The following EYS variants were observed in gnomAD, a reference collection of about 807,000 sequenced individuals.
EYS encodes protein eyes shut homolog.
Under a neutral mutation model 282.1 loss-of-function variants are expected in EYS, and 250 were observed. The observed-to-expected ratio is 0.89, with a 90% CI of 0.80 to 0.98. EYS has a LOEUF of 0.98. EYS is among the 50% of genes least tolerant of loss of function. EYS has a pLI of 0.00. For synonymous variants in EYS, 1,355 were observed against 1,282.9 expected, an observed-to-expected ratio of 1.06 and a Z score of -1.20; for missense variants, 4,016 against 3,709.0, an observed-to-expected ratio of 1.08 and a Z score of -2.15.
intron 2 of EYS, among the ~76,000 whole-genome samples, chr6:65,500,381 A>C (rs2127276573): frequency 6.6e-6 from 1 of 152,158 alleles, no homozygotes; most frequent in Non-Finnish European, 1.5e-5. Flanking sequence ...GGGTTTTCAG[A>C]ATTTTTAGAG....
At chr6:65,195,811 C>G (rs1403308643) in intron 12 of EYS, among the ~76,000 whole-genome samples, 1 of 151,988 alleles carries the variant, frequency 6.6e-6, no homozygotes, top group East Asian at 1.9e-4. Flanking sequence ...GTGAAAAATG[C>G]TGCTTCATAC....
chr6:65,486,496 T>C (rs891201206), intron 5 of EYS, among the ~76,000 whole-genome samples: 27 of 152,328 alleles, frequency 1.8e-4, no homozygotes, highest in African/African-American at 6.5e-4. Flanking sequence ...AGAAATCAGT[T>C]TTTGAACATT....
At chr6:64,859,215 A>C (rs1170551121) in intron 19 of EYS, among the ~76,000 whole-genome samples, 1 of 147,946 alleles carries the variant, frequency 6.8e-6, no homozygotes, top group Admixed American at 6.8e-5. Context: ...AAAAATATTT[A>C]TATCTAATAT....
intron 26 of EYS, among the ~76,000 whole-genome samples, chr6:64,465,191 G>A (rs1274173220): frequency 6.6e-6 from 1 of 151,988 alleles, no homozygotes; most frequent in Non-Finnish European, 1.5e-5. Context: ...ACTACCCAAA[G>A]TGATCTACAG....
At chr6:65,034,003 C>T (rs1772688664) in intron 13 of EYS, among the ~76,000 whole-genome samples, 1 of 152,136 alleles carries the variant, frequency 6.6e-6, no homozygotes. Flanking sequence ...CGTTTGGGTT[C>T]CCTGCCCTAG....
At chr6:64,117,666 A>T (rs1582293143) in intron 31 of EYS, among the ~76,000 whole-genome samples, 1 of 151,894 alleles carries the variant, frequency 6.6e-6, no homozygotes, top group East Asian at 1.9e-4. Flanking sequence ...TAAAAAAAAA[A>T]TTCTTACTCA....
In EYS at chr6:65,383,443, T is replaced by A. The variant is rs531684433; in HGVS notation, c.1299+943A>T. ...AATGAATCCTGGAATTTTGCCATAT[T>A]TAACTTCTTAGTTCTACTTTTTAAT... On this transcript the variant is annotated intron_variant, in intron 8 of 42. Transcript: ENST00000503581. 3.9e-5 allele frequency among the ~76,000 whole-genome samples: 6 copies of A among 152,046 alleles called. No homozygotes were observed. The South Asian group carries it at 1.2e-3, about 31-fold the overall frequency.
chr6:65,318,817 T>A (rs1769387778), intron 11 of EYS, among the ~76,000 whole-genome samples: 1 of 149,682 alleles, frequency 6.7e-6, no homozygotes, highest in South Asian at 2.1e-4. Context: ...ATTTTTTGAA[T>A]CTTTAGTAGA....
intron 28 of EYS, among the ~76,000 whole-genome samples, chr6:64,407,504 G>A (rs9359910): frequency 0.28 from 42,146 of 151,942 alleles, 5,968 homozygotes; most frequent in East Asian, 0.46. Context: ...ACCATTTATG[G>A]CAAAACAGAG....
chr6:64,693,240 C>A (rs946967447), intron 22 of EYS, among the ~76,000 whole-genome samples: 5 of 151,246 alleles, frequency 3.3e-5, no homozygotes, highest in Admixed American at 6.6e-5. Context: ...TAATTCTTCC[C>A]AATTGATTCA....
intron 22 of EYS, among the ~76,000 whole-genome samples, chr6:64,807,992 C>T (rs1342716540): frequency 2.3e-5 from 2 of 87,730 alleles, no homozygotes; most frequent in African/African-American, 7.3e-5. Flanking sequence ...CTCCGTCCTT[C>T]CCTTACTTCC....
chr6:64,812,013 A>G (rs1378796649), intron 22 of EYS, among the ~76,000 whole-genome samples: 2 of 152,072 alleles, frequency 1.3e-5, no homozygotes, highest in Non-Finnish European at 2.9e-5. Flanking sequence ...CTGATTTTTA[A>G]CACTGTATCC....
At chr6:64,610,977 T>TC (rs542798755) in intron 24 of EYS, among the ~76,000 whole-genome samples, 5 of 151,612 alleles carry the variant, frequency 3.3e-5, no homozygotes, top group Middle Eastern at 3.4e-3. Flanking sequence ...TCCATCTTTT[T>TC]CCCCCCCATA....
intron 12 of EYS, among the ~76,000 whole-genome samples, chr6:65,157,771 G>A (rs530141677): frequency 9.5e-4 from 143 of 150,366 alleles, no homozygotes; most frequent in African/African-American, 3.3e-3. Context: ...TTAGGAAAAG[G>A]TTATATTTTT....
intron 2 of EYS, among the ~76,000 whole-genome samples, chr6:65,553,429 T>G (rs1390530128): frequency 6.6e-6 from 1 of 152,114 alleles, no homozygotes; most frequent in African/African-American, 2.4e-5. Context: ...ATGTCCAGCA[T>G]CTAAAACAAG....
At chr6:65,267,885 A>T (rs1385760917) in intron 12 of EYS, among the ~76,000 whole-genome samples, 1 of 151,894 alleles carries the variant, frequency 6.6e-6, no homozygotes, top group Non-Finnish European at 1.5e-5. Flanking sequence ...TTAAACCTAT[A>T]CCTCTTCAAA....
intron 22 of EYS, among the ~76,000 whole-genome samples, chr6:64,722,648 T>G (rs1771622556): frequency 6.6e-6 from 1 of 152,288 alleles, no homozygotes; most frequent in East Asian, 1.9e-4. Context: ...AACTAATTTT[T>G]TTCACAGCTA....
chr6:65,233,581 G>A (rs1290388621), intron 12 of EYS, among the ~76,000 whole-genome samples: 2 of 152,122 alleles, frequency 1.3e-5, no homozygotes, highest in East Asian at 3.9e-4. Flanking sequence ...GTGGCTTGGA[G>A]GCTGCAATCA....
At chr6:63,853,017 A>C (rs1226622090) in intron 36 of EYS, among the ~76,000 whole-genome samples, 1 of 152,216 alleles carries the variant, frequency 6.6e-6, no homozygotes, top group East Asian at 1.9e-4. Context: ...ACAAACCCAT[A>C]TTCAATGTAT....
Sources: gnomAD v4.1 joint callset for allele counts (sites outside exome capture counted in the v4.1 genomes callset) on GRCh38, gnomAD v4.1.1 for gene constraint, MANE v1.5 for transcripts, NCBI Gene and HGNC (gene_info 2026-07-23, HGNC 2026-07-21) for gene names.